SPAG16: variants seen among roughly 807,000 people sequenced by gnomAD.
SPAG16 encodes sperm associated antigen 16, also known as sperm-associated antigen 16 protein.
Under a neutral mutation model 80.4 loss-of-function variants are expected in SPAG16, and 86 were observed. That is an observed-to-expected ratio of 1.07 (90% CI 0.90 to 1.28). The LOEUF is 1.28. Ranked by LOEUF, SPAG16 falls within the 50% of genes most tolerant of loss-of-function variation. SPAG16 has a pLI of 0.00. For missense variants in SPAG16, 870 were observed against 765.3 expected, an observed-to-expected ratio of 1.14 and a Z score of -1.61; for synonymous variants, 294 against 265.9, an observed-to-expected ratio of 1.11 and a Z score of -1.03.
chr2:213,698,375 C>CCTCA (rs1233422910), intron 10 of SPAG16, among the ~76,000 whole-genome samples: 1 of 152,142 alleles, frequency 6.6e-6, no homozygotes, highest in Non-Finnish European at 1.5e-5. Context: ...AATCCTCACA[C>CCTCA]CTCAGCCTCC....
chr2:213,934,111 A>G (rs1211562557), intron 12 of SPAG16, among the ~76,000 whole-genome samples: 1 of 152,180 alleles, frequency 6.6e-6, no homozygotes, highest in Non-Finnish European at 1.5e-5. Flanking sequence ...ACAAAGAACA[A>G]TGGGGAAAGG....
intron 15 of SPAG16, among the ~76,000 whole-genome samples, chr2:214,317,901 A>AT (rs1169864039): frequency 6.6e-6 from 1 of 152,192 alleles, no homozygotes; most frequent in Non-Finnish European, 1.5e-5. Flanking sequence ...AATTACCACA[A>AT]TTTTTTTAGA....
chr2:213,817,421 G>T (rs955682444), intron 10 of SPAG16, among the ~76,000 whole-genome samples: 1 of 151,780 alleles, frequency 6.6e-6, no homozygotes, highest in Non-Finnish European at 1.5e-5. Flanking sequence ...GTGGACAGAA[G>T]TTTGGAGATT....
At chr2:213,728,614 G>C (rs914248235) in intron 10 of SPAG16, among the ~76,000 whole-genome samples, 1 of 152,068 alleles carries the variant, frequency 6.6e-6, no homozygotes, top group Admixed American at 6.6e-5. Flanking sequence ...GGTGGCTCAC[G>C]CCTGTAATCC....
chr2:213,892,974 A>T (rs1235443845), intron 11 of SPAG16, among the ~76,000 whole-genome samples: 1 of 152,164 alleles, frequency 6.6e-6, no homozygotes, highest in Admixed American at 6.5e-5. Flanking sequence ...GAACAACATC[A>T]TACAGATTTG....
intron 5 of SPAG16, among the ~76,000 whole-genome samples, chr2:213,324,145 G>A (rs2063745212): frequency 6.6e-6 from 1 of 152,134 alleles, no homozygotes; most frequent in African/African-American, 2.4e-5. Flanking sequence ...TATACTCAAA[G>A]AAAGTAAACA....
At chr2:213,426,754 G>A (rs2069941762) in intron 9 of SPAG16, among the ~76,000 whole-genome samples, 1 of 140,544 alleles carries the variant, frequency 7.1e-6, no homozygotes, top group South Asian at 2.3e-4. Flanking sequence ...GCATAAATCT[G>A]GTGTGTGTGT....
chr2:213,775,426 A>G (rs938906236), intron 10 of SPAG16, among the ~76,000 whole-genome samples: 3 of 152,178 alleles, frequency 2.0e-5, no homozygotes, highest in African/African-American at 7.2e-5. Context: ...ATCACCTCCA[A>G]AAGTTTCCTC....
At chr2:213,859,375 C>A in intron 10 of SPAG16, among the ~76,000 whole-genome samples, 1 of 151,896 alleles carries the variant, frequency 6.6e-6, no homozygotes, top group Non-Finnish European at 1.5e-5. Context: ...CCCTTGGTTT[C>A]TCTGGCAGTA....
intron 10 of SPAG16, among the ~76,000 whole-genome samples, chr2:213,511,131 C>G (rs1055599303): frequency 4.6e-5 from 7 of 150,608 alleles, no homozygotes; most frequent in Non-Finnish European, 8.9e-5. Flanking sequence ...TAATAATTAT[C>G]TCTTTCATAC....
chr2:213,374,946 G>A (rs1575414826), intron 8 of SPAG16, 64 bp from the exon 9 acceptor site: 1 of 1,178,688 alleles, frequency 8.5e-7, no homozygotes, highest in East Asian at 2.7e-5. Flanking sequence ...TCATATTTTT[G>A]GTTGCAATCA....
At chr2:213,369,374 T>G (rs1277024738) in intron 8 of SPAG16, among the ~76,000 whole-genome samples, 2 of 152,196 alleles carry the variant, frequency 1.3e-5, no homozygotes. Context: ...TAAAATAAAA[T>G]TATGGTGTCA....
chr2:213,961,474 C>T (rs2044415501), intron 12 of SPAG16, among the ~76,000 whole-genome samples: 1 of 151,482 alleles, frequency 6.6e-6, no homozygotes, highest in African/African-American at 2.4e-5. Context: ...TGTCTTGCTC[C>T]TTATTTTAGG....
chr2:214,079,105 A>C (rs1039644039), intron 13 of SPAG16, among the ~76,000 whole-genome samples: 1 of 152,164 alleles, frequency 6.6e-6, no homozygotes, highest in Non-Finnish European at 1.5e-5. Flanking sequence ...TACATCTAAG[A>C]TAGTCAAGAG....
At chr2:213,662,511 C>T (rs917087158) in intron 10 of SPAG16, among the ~76,000 whole-genome samples, 1 of 151,998 alleles carries the variant, frequency 6.6e-6, no homozygotes, top group Non-Finnish European at 1.5e-5. Context: ...TAAATGAAAG[C>T]CAGTAAATGT....
chr2:213,804,449 C>T (rs977495237), intron 10 of SPAG16, among the ~76,000 whole-genome samples: 2 of 151,998 alleles, frequency 1.3e-5, no homozygotes, highest in Non-Finnish European at 2.9e-5. Context: ...TTTGGGAGGC[C>T]GAGGCGGGCA....
At chr2:213,427,779 T>C (rs2070029486) in intron 9 of SPAG16, among the ~76,000 whole-genome samples, 1 of 152,212 alleles carries the variant, frequency 6.6e-6, no homozygotes, top group Non-Finnish European at 1.5e-5. Context: ...ATATCTCAAG[T>C]CTGGTTGTCA....
At chr2:214,305,358 A>G (rs1694840521) in intron 15 of SPAG16, among the ~76,000 whole-genome samples, 1 of 152,190 alleles carries the variant, frequency 6.6e-6, no homozygotes, top group Non-Finnish European at 1.5e-5. Flanking sequence ...TTTGCTGTGC[A>G]GAATCTCTTT....
At chr2:213,710,287 A>G (rs2065926926) in intron 10 of SPAG16, among the ~76,000 whole-genome samples, 1 of 151,664 alleles carries the variant, frequency 6.6e-6, no homozygotes, top group South Asian at 2.1e-4. Flanking sequence ...CTGTCTTTAA[A>G]AAAAAAAAAA....
Sources: allele counts gnomAD v4.1 joint callset (sites outside exome capture counted in the v4.1 genomes callset), GRCh38; gene constraint gnomAD v4.1.1; transcripts MANE v1.5; gene names NCBI Gene and HGNC (gene_info 2026-07-23, HGNC 2026-07-21).